The following IGFBP5 variants were observed in gnomAD, a reference collection of about 807,000 sequenced individuals.
The protein encoded by IGFBP5 is insulin like growth factor binding protein 5, also known as insulin-like growth factor-binding protein 5.
IGFBP5 carries 12 observed loss-of-function variants against 28.0 expected under a neutral mutation model. The observed-to-expected ratio is 0.43, with a 90% CI of 0.27 to 0.69. IGFBP5 has a LOEUF of 0.69. Among genes scored for constraint, IGFBP5 ranks in the 30% least tolerant of loss-of-function variants. IGFBP5 has a pLI of 0.20. For missense variants in IGFBP5, 344 were observed against 381.6 expected, an observed-to-expected ratio of 0.90 and a Z score of 0.82; for synonymous variants, 152 against 150.2, an observed-to-expected ratio of 1.01 and a Z score of -0.09.
In IGFBP5 at chr2:216,692,424, T is replaced by A. The variant is rs1408781579; in HGVS notation, c.337+2015A>T. On this transcript the variant is annotated intron_variant, in intron 1 of 3. Coordinates refer to ENST00000233813, the MANE Select transcript of IGFBP5 (RefSeq NM_000599.4). The surrounding 1 kb of genome is among the most constrained non-coding windows in gnomAD (Gnocchi z 4.2). Reference sequence around the variant, plus strand: ...GTGTGATGCGCCCTCCGTGCTCGCCTAGCAATTGCGCGCGCGTGCGCTCTG... The same window carrying A: ...GTGTGATGCGCCCTCCGTGCTCGCCAAGCAATTGCGCGCGCGTGCGCTCTG... 2.7e-5 allele frequency among the ~76,000 whole-genome samples: 4 copies of A among 150,298 alleles called. No individual in the cohort carries two copies. Among genetic ancestry groups the A allele is most frequent in the Non-Finnish European group, 5.9e-5 (4 of 67,522 alleles).
chr2:216,678,713 G>A (rs11575196), intron 2 of IGFBP5, 137 bp downstream of exon 2: 580 of 694,376 alleles, frequency 8.4e-4, no homozygotes, highest in Non-Finnish European at 1.1e-3. Flanking sequence ...CTACTCCCAC[G>A]TCCTAAGCTG....
chr2:216,694,506 C>G lies in IGFBP5; in HGVS notation c.270G>C (p.Leu90=). Residue 90 remains leucine (L), a synonymous_variant, in exon 1 of 4, where the codon CTG becomes CTC. Transcript: ENST00000233813. This position sits in a 1 kb window ranked among gnomAD's most constrained non-coding sequence, Gnocchi z 5.2. ...CCCCGCGGCCGTGCAGCAGGGCGTG[C>G]AGCGGCTTCTCCTCGTCCTGCCGGG... ...CLPRQDEEKP[L]HALLHGRGVC... 6.3e-7 allele frequency: 1 copy of G among 1,590,026 alleles called. No individual in the cohort carries two copies. The highest frequency in any genetic ancestry group is 1.1e-5 in the South Asian group (1 of 87,330).
Position 216,679,216 on chromosome 2 carries a change from T to G in IGFBP5, c.338-137A>C. The G allele has an allele frequency of 1.4e-6, 1 of 698,322 alleles. No homozygotes were observed. 43.3% of individuals were successfully genotyped at this position (698,322 alleles called of 1,614,324 possible). A position where few individuals can be genotyped will look rare whatever the true frequency, so the allele number is the denominator to read the frequency against. On this transcript the variant is annotated intron_variant, in intron 1 of 3. Coordinates refer to ENST00000233813, the MANE Select transcript of IGFBP5 (RefSeq NM_000599.4). The surrounding 1 kb of genome is among the most constrained non-coding windows in gnomAD (Gnocchi z 4.6). Reference sequence around the variant, plus strand: ...GTCTCTGCCCTCCTGGAGCACACCCTGAAAGCAGGGGGATAAGAACCAGGA... The same window carrying G: ...GTCTCTGCCCTCCTGGAGCACACCCGGAAAGCAGGGGGATAAGAACCAGGA...
chr2:216,685,199 T>G (rs543092615), intron 1 of IGFBP5, among the ~76,000 whole-genome samples: 1 of 151,806 alleles, frequency 6.6e-6, no homozygotes, highest in Non-Finnish European at 1.5e-5. Context: ...GAGAATCACT[T>G]GAACCTGGGA....
At chr2:216,682,654 G>A (rs1485879995) in intron 1 of IGFBP5, among the ~76,000 whole-genome samples, 1 of 151,930 alleles carries the variant, frequency 6.6e-6, no homozygotes, top group Non-Finnish European at 1.5e-5. Flanking sequence ...CCAGCAGAGG[G>A]CGTGGGAGAC....
At position 216,694,682 on chromosome 2, in the gene IGFBP5, C is replaced by G. The variant is rs929724774; in HGVS notation, c.94G>C (p.Glu32Gln). ...GGGGGGCACATGGAGAGGGCTTTCT[C>G]GTCGCAGGGCTCGCAGTGCACGAAG... ...GSFVHCEPCD[E>Q]KALSMCPPSP... The change falls in exon 1 of 4, where the codon GAG (glutamate) becomes CAG (glutamine). Residue 32 changes from glutamate (E) to glutamine (Q), a missense_variant. Coordinates refer to ENST00000233813, the MANE Select transcript of IGFBP5 (RefSeq NM_000599.4). This position sits in a 1 kb window ranked among gnomAD's most constrained non-coding sequence, Gnocchi z 5.2. 1.3e-6 allele frequency: 2 copies of G among 1,520,648 alleles called. No homozygotes were observed. The highest frequency in any genetic ancestry group is 1.4e-5 in the African/African-American group (1 of 70,392). 94.2% of individuals were successfully genotyped at this position (1,520,648 alleles called of 1,614,324 possible). A position where few individuals can be genotyped will look rare whatever the true frequency, so the allele number is the denominator to read the frequency against.
Position 216,679,176 on chromosome 2 carries a change from G to T in IGFBP5, c.338-97C>A. ...AGTTTGGGGTGAGGGGAGTAATAAA[G>T]GCTGAAGCAGATGTGTCTCTGCCCT... On this transcript the variant is annotated intron_variant, in intron 1 of 3. Coordinates refer to ENST00000233813, the MANE Select transcript of IGFBP5 (RefSeq NM_000599.4). The surrounding 1 kb of genome is among the most constrained non-coding windows in gnomAD (Gnocchi z 4.6). The T allele has an allele frequency of 1.1e-6, 1 of 884,300 alleles. No individual in the cohort carries two copies. The allele number at this position is 884,300 out of a possible 1,614,324, so 54.8% of individuals were successfully genotyped here.
Position 216,679,218 on chromosome 2 carries a change from A to C in IGFBP5, c.338-139T>G, listed in dbSNP as rs762840119. 3 of 694,980 alleles carry C rather than the reference A, an allele frequency of 4.3e-6. No individual in the cohort carries two copies. The highest frequency in any genetic ancestry group is 7.9e-6 in the Non-Finnish European group (3 of 381,868). The allele number at this position is 694,980 out of a possible 1,614,324, so 43.1% of individuals were successfully genotyped here. A position where few individuals can be genotyped will look rare whatever the true frequency, so the allele number is the denominator to read the frequency against. On this transcript the variant is annotated intron_variant, in intron 1 of 3. Coordinates refer to ENST00000233813, the MANE Select transcript of IGFBP5 (RefSeq NM_000599.4). The surrounding 1 kb of genome is among the most constrained non-coding windows in gnomAD (Gnocchi z 4.6). ...CTCTGCCCTCCTGGAGCACACCCTGAAAGCAGGGGGATAAGAACCAGGAAG... is the reference window on the plus strand; with the variant it reads ...CTCTGCCCTCCTGGAGCACACCCTGCAAGCAGGGGGATAAGAACCAGGAAG...
chr2:216,679,222 C>G lies in IGFBP5; in HGVS notation c.338-143G>C, dbSNP rs1264671048. ...GCCCTCCTGGAGCACACCCTGAAAG[C>G]AGGGGGATAAGAACCAGGAAGCAGA... is the stretch of plus-strand genomic sequence containing the variant. On this transcript the variant is annotated intron_variant, in intron 1 of 3. Transcript: ENST00000233813. This position sits in a 1 kb window ranked among gnomAD's most constrained non-coding sequence, Gnocchi z 4.6. The G allele has an allele frequency of 4.3e-6, 3 of 690,206 alleles. No homozygotes were observed. The highest frequency in any genetic ancestry group is 3.1e-5 in the South Asian group (2 of 64,604). The allele number at this position is 690,206 out of a possible 1,614,324, so 42.8% of individuals were successfully genotyped here.
In IGFBP5 at chr2:216,679,228, G is replaced by GA; in HGVS notation, c.338-150dup. The GA allele has an allele frequency of 1.5e-6, 1 of 681,818 alleles. No homozygotes were observed. Among genetic ancestry groups the GA allele is most frequent in the Non-Finnish European group, 2.7e-6 (1 of 373,748 alleles). The allele number at this position is 681,818 out of a possible 1,614,324, so 42.2% of individuals were successfully genotyped here. A position where few individuals can be genotyped will look rare whatever the true frequency, so the allele number is the denominator to read the frequency against. ...CTGGAGCACACCCTGAAAGCAGGGGGATAAGAACCAGGAAGCAGAGGGAAT... is the reference window on the plus strand; with the variant it reads ...CTGGAGCACACCCTGAAAGCAGGGGGAATAAGAACCAGGAAGCAGAGGGAAT... On this transcript the variant is annotated intron_variant, in intron 1 of 3. Coordinates refer to ENST00000233813, the MANE Select transcript of IGFBP5 (RefSeq NM_000599.4). This position sits in a 1 kb window ranked among gnomAD's most constrained non-coding sequence, Gnocchi z 4.6.
rs74615547 is a variant in IGFBP5 at position 216,678,606 on chromosome 2, C to T, written c.567+244G>A. Among the ~76,000 whole-genome samples the T allele has an allele frequency of 2.2e-3, 336 of 152,254 alleles. 2 individuals carry two copies. Among genetic ancestry groups the T allele is most frequent in the African/African-American group, 7.8e-3 (326 of 41,538 alleles). The stretch of plus-strand genomic sequence containing the variant: ...AGGGCCCAGGTACCTGGTACGTGGC[C>T]GCTGGGCTGGCACACACTCTCCTCA... On this transcript the variant is annotated intron_variant, in intron 2 of 3. Coordinates refer to ENST00000233813, the MANE Select transcript of IGFBP5 (RefSeq NM_000599.4).
chr2:216,678,477 C>A (rs1688931061), intron 2 of IGFBP5, among the ~76,000 whole-genome samples: 1 of 152,190 alleles, frequency 6.6e-6, no homozygotes, highest in South Asian at 2.1e-4. Flanking sequence ...TCCACCCCCT[C>A]CCCTGCAGCT....
Position 216,675,680 on chromosome 2 carries a change from G to A in IGFBP5, c.*1071C>T, listed in dbSNP as rs1489504656. On this transcript the variant is annotated 3_prime_UTR_variant, in exon 4 of 4. Transcript: ENST00000233813. Reference sequence around the variant, plus strand: ...TCCCAGAATGAGGAAGCTCCTCAATGCCCCTATAGGAACTACTTTGAAAAG... The same window carrying A: ...TCCCAGAATGAGGAAGCTCCTCAATACCCCTATAGGAACTACTTTGAAAAG... 1.3e-5 allele frequency: 2 copies of A among 152,136 alleles called. No homozygotes were observed. 9.4% of individuals were successfully genotyped at this position (152,136 alleles called of 1,614,324 possible).
intron 1 of IGFBP5, among the ~76,000 whole-genome samples, chr2:216,693,706 C>T (rs982754325): frequency 5.9e-5 from 9 of 152,044 alleles, no homozygotes; most frequent in African/African-American, 2.2e-4. Flanking sequence ...CCCCCGCACT[C>T]CTAAAGTATT....
rs1297580429 is a variant in IGFBP5, at chr2:216,674,855, T to A, written c.*1896A>T. On this transcript the variant is annotated 3_prime_UTR_variant, in exon 4 of 4. Coordinates refer to ENST00000233813, the MANE Select transcript of IGFBP5 (RefSeq NM_000599.4). This position sits in a 1 kb window ranked among gnomAD's most constrained non-coding sequence, Gnocchi z 4.4. ...AGACTCGTGGGCCTCAGTCCCTCATTGCAGGCTGAAGGTGGGCAGCGGAGC... is the reference window on the plus strand; with the variant it reads ...AGACTCGTGGGCCTCAGTCCCTCATAGCAGGCTGAAGGTGGGCAGCGGAGC... 3 of 152,182 alleles carry A rather than the reference T, an allele frequency of 2.0e-5. No individual in the cohort carries two copies. The highest frequency in any genetic ancestry group is 4.4e-5 in the Non-Finnish European group (3 of 68,068). 9.4% of individuals were successfully genotyped at this position (152,182 alleles called of 1,614,324 possible). A position where few individuals can be genotyped will look rare whatever the true frequency, so the allele number is the denominator to read the frequency against.
intron 1 of IGFBP5, among the ~76,000 whole-genome samples, chr2:216,682,977 G>C (rs979553354): frequency 2.4e-4 from 37 of 152,102 alleles, no homozygotes; most frequent in Non-Finnish European, 4.9e-4. Context: ...CAAAGAGCTG[G>C]GATTACAGGC....
At chr2:216,693,931 G>C (rs1351443683) in intron 1 of IGFBP5, among the ~76,000 whole-genome samples, 1 of 152,020 alleles carries the variant, frequency 6.6e-6, no homozygotes, top group African/African-American at 2.4e-5. Flanking sequence ...CACGGGGGTG[G>C]AGGGGCCAAG....
At chr2:216,688,058 A>G (rs1012709857) in intron 1 of IGFBP5, among the ~76,000 whole-genome samples, 13 of 152,346 alleles carry the variant, frequency 8.5e-5, no homozygotes, top group African/African-American at 3.1e-4. Flanking sequence ...AACCATGTGC[A>G]GATACATACG....
At position 216,676,984 on chromosome 2, in the gene IGFBP5, C is replaced by T. The variant is rs768121227; in HGVS notation, c.688-102G>A. The T allele has an allele frequency of 9.6e-6, 13 of 1,347,450 alleles. No homozygotes were observed. The Admixed American group carries it at 1.8e-4, about 19-fold the overall frequency. The allele number at this position is 1,347,450 out of a possible 1,614,324, so 83.5% of individuals were successfully genotyped here. ...TACCCCAAGGCAAGACTCTCATCCC[C>T]AGAGAGTTGAGGGCACTAGACCCGA... On this transcript the variant is annotated intron_variant, in intron 3 of 3. Coordinates refer to ENST00000233813, the MANE Select transcript of IGFBP5 (RefSeq NM_000599.4).
Sources: gnomAD v4.1 joint callset for allele counts (sites outside exome capture counted in the v4.1 genomes callset) on GRCh38, gnomAD v4.1.1 for gene constraint, Gnocchi (gnomAD v3.1) non-coding constraint, MANE v1.5 for transcripts, NCBI Gene and HGNC (gene_info 2026-07-23, HGNC 2026-07-21) for gene names.